Variants in AFMID observed in about 807,000 individuals in gnomAD.
The protein encoded by AFMID is kynurenine formamidase.
Under a neutral mutation model 47.5 loss-of-function variants are expected in AFMID, and 39 were observed. The observed-to-expected ratio is 0.82, with a 90% CI of 0.64 to 1.07. The LOEUF (loss-of-function observed/expected upper bound fraction) is 1.07, where lower values mean the gene tolerates loss of function less well. AFMID is among the 50% of genes least tolerant of loss of function. The probability of loss-of-function intolerance (pLI) is 0.00; values close to 1 mark genes in which losing one functional copy is unlikely to be tolerated. For synonymous variants in AFMID, 130 were observed against 153.2 expected (o/e 0.85, Z 1.12); for missense variants, 375 against 387.5 (o/e 0.97, Z 0.27).
rs752058215 is a variant in AFMID, at chr17:78,197,169, A to G, written c.155-5330A>G. On this transcript the variant is annotated intron_variant, in intron 2 of 10. Coordinates refer to ENST00000409257, the MANE Select transcript of AFMID (RefSeq NM_001010982.5). Reference sequence around the variant, plus strand: ...AGGCTTGAGAACTCCTGTGTGAATTAAATCACGACCTTCTGATGAAGCCAC... The same window carrying G: ...AGGCTTGAGAACTCCTGTGTGAATTGAATCACGACCTTCTGATGAAGCCAC... 3.9e-6 allele frequency: 6 copies of G among 1,550,614 alleles called. No individual in the cohort carries two copies. In the South Asian group the frequency reaches 7.1e-5, roughly 18 times the overall value.
In AFMID at chr17:78,197,369, G is replaced by A. The variant is rs2076140474; in HGVS notation, c.155-5130G>A. On this transcript the variant is annotated intron_variant, in intron 2 of 10. Coordinates refer to ENST00000409257, the MANE Select transcript of AFMID (RefSeq NM_001010982.5). ...AGATGCTTGCAAGTGGTATGGTAAT[G>A]GATGTACAAAGCTATTCACAGCAGG... is the stretch of plus-strand genomic sequence containing the variant. 3 of 652,502 alleles carry A rather than the reference G, an allele frequency of 4.6e-6. No homozygotes were observed. The South Asian group carries it at 5.8e-5, about 13-fold the overall frequency. The allele number at this position is 652,502 out of a possible 1,614,324, so 40.4% of individuals were successfully genotyped here.
Position 78,205,199 on chromosome 17 carries a change from G to A in AFMID, c.565+9G>A, listed in dbSNP as rs1484633933. On this transcript the variant is annotated intron_variant, in intron 7 of 10. Coordinates refer to ENST00000409257, the MANE Select transcript of AFMID (RefSeq NM_001010982.5). ...CACGCCCAACCTCAGAGGTTTCCAT[G>A]GGAGCTACAGCCTGGCTGGGCAACC... The A allele has an allele frequency of 6.2e-7, 1 of 1,606,956 alleles. No homozygotes were observed. The highest frequency in any genetic ancestry group is 1.3e-5 in the African/African-American group (1 of 74,826).
chr17:78,205,454 A>T lies in AFMID; in HGVS notation c.580A>T (p.Ser194Cys), dbSNP rs764401877. The change falls in exon 8 of 11, where the codon AGT becomes TGT. Residue 194 changes from serine (S) to cysteine (C), a missense_variant. Transcript: ENST00000409257. ...TPNLRGFFLV[S>C]GVFDLEPIVY... ...TACCTTCACAGGCTTTTTCCTGGTG[A>T]GTGGGGTCTTTGACCTGGAGCCCAT... 2.5e-6 allele frequency: 4 copies of T among 1,614,060 alleles called. No individual in the cohort carries two copies. The Admixed American group carries it at 6.7e-5, about 27-fold the overall frequency.
chr17:78,196,627 C>G, intron 2 of AFMID, among the ~76,000 whole-genome samples: 1 of 151,726 alleles, frequency 6.6e-6, no homozygotes. Context: ...TGCAGTGAGT[C>G]GAGACCACGC....
At chr17:78,193,240 G>A (rs1011809921) in intron 2 of AFMID, among the ~76,000 whole-genome samples, 11 of 151,748 alleles carry the variant, frequency 7.2e-5, no homozygotes, top group African/African-American at 2.7e-4. Context: ...GCATGGTGGC[G>A]GGCGCCTCTA....
chr17:78,205,359 G>A, intron 7 of AFMID, 81 bp from the exon 8 acceptor site: 2 of 1,524,716 alleles, frequency 1.3e-6, no homozygotes, highest in Non-Finnish European at 9.1e-7. Context: ...CCCTGGTCCT[G>A]CCCCTCTGGC....
At position 78,207,037 on chromosome 17, in the gene AFMID, C is replaced by A; in HGVS notation, c.*100C>A. The A allele has an allele frequency of 7.8e-7, 1 of 1,287,580 alleles. No homozygotes were observed. Among genetic ancestry groups the A allele is most frequent in the Non-Finnish European group, 1.1e-6 (1 of 884,128 alleles). The allele number at this position is 1,287,580 out of a possible 1,614,324, so 79.8% of individuals were successfully genotyped here. On this transcript the variant is annotated 3_prime_UTR_variant, in exon 11 of 11. Coordinates refer to ENST00000409257, the MANE Select transcript of AFMID (RefSeq NM_001010982.5). ...CACTGACAGCTTCAGTTTCCCCCAG[C>A]ACCCAGGAGAGCCTTGCTGTGTCTG... is the stretch of plus-strand genomic sequence containing the variant.
chr17:78,189,291 C>T lies in AFMID; in HGVS notation c.64-1679C>T, dbSNP rs1224467320. 2.1e-5 allele frequency among the ~76,000 whole-genome samples: 3 copies of T among 144,868 alleles called. No individual in the cohort carries two copies. In the East Asian group the frequency reaches 6.3e-4, roughly 30 times the overall value. ...AGGCTAGAGTGCAATGGTGGGATCTCAGCTCGCTGCAACCTCCACCTCCCG... is the reference window on the plus strand; with the variant it reads ...AGGCTAGAGTGCAATGGTGGGATCTTAGCTCGCTGCAACCTCCACCTCCCG... On this transcript the variant is annotated intron_variant, in intron 1 of 10. Coordinates refer to ENST00000409257, the MANE Select transcript of AFMID (RefSeq NM_001010982.5).
chr17:78,193,275 G>A (rs1444811715), intron 2 of AFMID, among the ~76,000 whole-genome samples: 1 of 151,242 alleles, frequency 6.6e-6, no homozygotes, highest in Non-Finnish European at 1.5e-5. Context: ...GGAGGCTGAG[G>A]CAGGAGAATG....
At chr17:78,204,937 T>A (rs761015414) in intron 6 of AFMID, 37 bp downstream of exon 6, 2 of 1,612,644 alleles carry the variant, frequency 1.2e-6, no homozygotes, top group Admixed American at 1.7e-5. Context: ...CTGTTGGACC[T>A]CAGTGGGTGG....
At chr17:78,187,891 G>A (rs2075840296) in intron 1 of AFMID, among the ~76,000 whole-genome samples, 1 of 145,544 alleles carries the variant, frequency 6.9e-6, no homozygotes, top group South Asian at 2.2e-4. Flanking sequence ...GGTGGAGGTT[G>A]CAGTGAGCCG....
intron 2 of AFMID, chr17:78,197,127 T>C (rs976603797): frequency 7.8e-6 from 12 of 1,546,500 alleles, no homozygotes; most frequent in African/African-American, 1.4e-5. Flanking sequence ...AGCACAACTT[T>C]AATCTAGTCC....
intron 1 of AFMID, among the ~76,000 whole-genome samples, chr17:78,190,405 ATTTT>A (rs771122709): frequency 6.6e-6 from 1 of 151,012 alleles, no homozygotes; most frequent in Non-Finnish European, 1.5e-5. Context: ...TCCTTTTTTA[ATTTT>A]TTTGAGGTAG....
rs1347846704 is a variant in AFMID at position 78,194,847 on chromosome 17, A to C, written c.154+3787A>C. On this transcript the variant is annotated intron_variant, in intron 2 of 10. Transcript: ENST00000409257. ...GTATCTGGGATTACAGGCATGTGCC[A>C]CCACGCCTGGCTGATTTTTTATTTT... is the stretch of plus-strand genomic sequence containing the variant. Among the ~76,000 whole-genome samples, 8 of 152,162 alleles carry C rather than the reference A, an allele frequency of 5.3e-5. No homozygotes were observed. In the South Asian group the frequency reaches 1.7e-3, roughly 32 times the overall value.
intron 10 of AFMID, among the ~76,000 whole-genome samples, chr17:78,206,412 TC>T (rs902039889): frequency 6.6e-6 from 1 of 150,696 alleles, no homozygotes; most frequent in African/African-American, 2.4e-5. Flanking sequence ...CTTGTTTCTT[TC>T]TTTTTTTTTT....
intron 2 of AFMID, among the ~76,000 whole-genome samples, chr17:78,202,218 T>A (rs1168875919): frequency 2.1e-5 from 3 of 145,670 alleles, no homozygotes; most frequent in Non-Finnish European, 4.5e-5. Flanking sequence ...AGGTCAGGAG[T>A]TCAAGACCAG....
At chr17:78,205,800 T>C (rs755464324) in intron 9 of AFMID, 62 bp downstream of exon 9, 1 of 1,601,262 alleles carries the variant, frequency 6.2e-7, no homozygotes, top group South Asian at 1.1e-5. Flanking sequence ...TATTTTCCTC[T>C]TTCTTTTACC....
chr17:78,201,370 C>T (rs2076238800), intron 2 of AFMID, among the ~76,000 whole-genome samples: 1 of 151,760 alleles, frequency 6.6e-6, no homozygotes, highest in South Asian at 2.1e-4. Context: ...CCTGTAATCC[C>T]AGCACTTTGG....
At chr17:78,194,769 A>G (rs1377099052) in intron 2 of AFMID, among the ~76,000 whole-genome samples, 1 of 151,822 alleles carries the variant, frequency 6.6e-6, no homozygotes, top group East Asian at 1.9e-4. Flanking sequence ...ATCTCGGCTC[A>G]CCGCAACCTC....
Sources: gnomAD v4.1 joint callset for allele counts (sites outside exome capture counted in the v4.1 genomes callset) on GRCh38, gnomAD v4.1.1 for gene constraint, MANE v1.5 for transcripts, NCBI Gene and HGNC (gene_info 2026-07-23, HGNC 2026-07-21) for gene names.